Variants in IGSF21 observed in about 807,000 individuals in gnomAD.
IGSF21 encodes the protein immunoglobin superfamily member 21, also known as immunoglobulin superfamily member 21.
IGSF21 carries 28 observed loss-of-function variants against 46.8 expected under a neutral mutation model. The ratio of observed to expected loss-of-function variants is 0.60; its 90% CI spans 0.44 to 0.82. IGSF21 has a LOEUF of 0.82. Among genes scored for constraint, IGSF21 ranks in the 40% least tolerant of loss-of-function variants. The pLI, the probability that IGSF21 is intolerant of heterozygous loss-of-function variation, is 0.00. For missense variants in IGSF21, 624 were observed against 665.5 expected (o/e 0.94, Z 0.69); for synonymous variants, 284 against 273.6 (o/e 1.04, Z -0.38).
chr1:18,251,288 G>A (rs1569633696), intron 2 of IGSF21, among the ~76,000 whole-genome samples: 1 of 152,178 alleles, frequency 6.6e-6, no homozygotes, highest in African/African-American at 2.4e-5. Flanking sequence ...TGGCTGTTGT[G>A]CATAGACTGG....
chr1:18,300,547 C>A (rs1276663791), intron 3 of IGSF21, among the ~76,000 whole-genome samples: 1 of 152,220 alleles, frequency 6.6e-6, no homozygotes, highest in Non-Finnish European at 1.5e-5. Flanking sequence ...CACCAGCCAG[C>A]CCTGGAGCTT....
At chr1:18,375,057 C>T (rs2086267134) in intron 6 of IGSF21, among the ~76,000 whole-genome samples, 1 of 152,194 alleles carries the variant, frequency 6.6e-6, no homozygotes, top group Non-Finnish European at 1.5e-5. Flanking sequence ...TTAAATGTCA[C>T]CTCCTTGGAA....
chr1:18,326,707 C>T (rs1197488891), intron 3 of IGSF21, among the ~76,000 whole-genome samples: 2 of 152,206 alleles, frequency 1.3e-5, no homozygotes, highest in Non-Finnish European at 2.9e-5. Flanking sequence ...TGCAAAACCA[C>T]ACACCACGTT....
intron 1 of IGSF21, among the ~76,000 whole-genome samples, chr1:18,132,918 G>C (rs1044435359): frequency 6.2e-5 from 9 of 145,430 alleles, no homozygotes; most frequent in African/African-American, 1.8e-4. Context: ...TGGAGGGAGT[G>C]GGGGAGGGAG....
At chr1:18,143,502 T>C (rs2086437292) in intron 1 of IGSF21, among the ~76,000 whole-genome samples, 1 of 152,174 alleles carries the variant, frequency 6.6e-6, no homozygotes, top group African/African-American at 2.4e-5. Flanking sequence ...CCCATGCCCA[T>C]GGCATGGGTT....
chr1:18,351,545 C>G (rs1287580438), intron 4 of IGSF21, among the ~76,000 whole-genome samples: 1 of 152,178 alleles, frequency 6.6e-6, no homozygotes, highest in Non-Finnish European at 1.5e-5. Flanking sequence ...AAGTCCAGCC[C>G]ACTGCTCTCT....
intron 1 of IGSF21, among the ~76,000 whole-genome samples, chr1:18,130,020 G>A (rs2124415638): frequency 6.6e-6 from 1 of 152,280 alleles, no homozygotes; most frequent in Non-Finnish European, 1.5e-5. Context: ...GTGATATTTT[G>A]TTAAAGCAGC....
At chr1:18,212,675 A>AG (rs916962373) in intron 1 of IGSF21, among the ~76,000 whole-genome samples, 4 of 152,122 alleles carry the variant, frequency 2.6e-5, no homozygotes, top group Non-Finnish European at 5.9e-5. Context: ...AGCCCAACCC[A>AG]GGGGGGGTCC....
At chr1:18,155,621 AG>A (rs1475319797) in intron 1 of IGSF21, among the ~76,000 whole-genome samples, 2 of 152,238 alleles carry the variant, frequency 1.3e-5, no homozygotes, top group Non-Finnish European at 2.9e-5. Flanking sequence ...TGCCTAACAG[AG>A]GGACTCAGCC....
intron 2 of IGSF21, among the ~76,000 whole-genome samples, chr1:18,269,542 C>T (rs756941052): frequency 2.6e-5 from 4 of 152,168 alleles, no homozygotes; most frequent in Non-Finnish European, 5.9e-5. Flanking sequence ...TCTCTAAAGT[C>T]CAGAGTCTGC....
intron 6 of IGSF21, among the ~76,000 whole-genome samples, chr1:18,375,152 C>T (rs2086267851): frequency 6.6e-6 from 1 of 152,208 alleles, no homozygotes. Context: ...GGAGCACTGT[C>T]ACTCTCATCC....
intron 2 of IGSF21, among the ~76,000 whole-genome samples, chr1:18,269,783 G>T (rs191730090): frequency 6.6e-6 from 1 of 151,990 alleles, no homozygotes; most frequent in Non-Finnish European, 1.5e-5. Flanking sequence ...TTCTTTCCCC[G>T]CAGGGCCCCT....
chr1:18,309,717 A>G (rs1019616189), intron 3 of IGSF21, among the ~76,000 whole-genome samples: 3 of 152,162 alleles, frequency 2.0e-5, no homozygotes, highest in African/African-American at 7.2e-5. Flanking sequence ...GCCCTCTGCC[A>G]GTGTGGGAGG....
chr1:18,184,847 T>C (rs369941563), intron 1 of IGSF21, among the ~76,000 whole-genome samples: 1 of 152,076 alleles, frequency 6.6e-6, no homozygotes, highest in Non-Finnish European at 1.5e-5. Flanking sequence ...CCCTGAGAGG[T>C]GAGATGAGAC....
chr1:18,125,065 G>A (rs897147610), intron 1 of IGSF21, among the ~76,000 whole-genome samples: 2 of 152,142 alleles, frequency 1.3e-5, no homozygotes, highest in Admixed American at 6.5e-5. Context: ...GGAAGAAGAG[G>A]AGGATGGTTG....
chr1:18,237,185 A>G (rs1209223533), intron 2 of IGSF21, among the ~76,000 whole-genome samples: 2 of 152,164 alleles, frequency 1.3e-5, no homozygotes, highest in Non-Finnish European at 2.9e-5. Context: ...GTGGCAGCCG[A>G]GAGCGTTTAG....
chr1:18,237,522 AG>A (rs2084684513), intron 2 of IGSF21, among the ~76,000 whole-genome samples: 1 of 152,214 alleles, frequency 6.6e-6, no homozygotes. Flanking sequence ...CCCGTGGCGC[AG>A]GGGAAATAGG....
At chr1:18,160,767 C>G (rs1282260960) in intron 1 of IGSF21, among the ~76,000 whole-genome samples, 2 of 152,202 alleles carry the variant, frequency 1.3e-5, no homozygotes, top group Non-Finnish European at 2.9e-5. Context: ...ATCACAGTCC[C>G]TGCACCCGCA....
intron 6 of IGSF21, among the ~76,000 whole-genome samples, chr1:18,374,965 C>T (rs768199482): frequency 1.3e-5 from 2 of 152,176 alleles, no homozygotes; most frequent in Non-Finnish European, 2.9e-5. Flanking sequence ...TCCCAACCCC[C>T]TTCCCTCCCT....
Sources: gnomAD v4.1 joint callset for allele counts (sites outside exome capture counted in the v4.1 genomes callset) on GRCh38, gnomAD v4.1.1 for gene constraint, MANE v1.5 for transcripts, NCBI Gene and HGNC (gene_info 2026-07-23, HGNC 2026-07-21) for gene names.